CFAP61: variants seen among roughly 807,000 people sequenced by gnomAD.
The protein encoded by CFAP61 is cilia and flagella associated protein 61.
A neutral mutation model predicts 135.6 loss-of-function variants in CFAP61; 107 were observed. The observed-to-expected ratio is 0.79, with a 90% confidence interval of 0.67 to 0.93. The LOEUF (loss-of-function observed/expected upper bound fraction) is 0.93. Ranked by LOEUF, CFAP61 falls within the 40% of genes least tolerant of loss-of-function variation. The probability of loss-of-function intolerance (pLI) is 0.00; values close to 1 mark genes in which losing one functional copy is unlikely to be tolerated. For missense variants in CFAP61, 1,507 were observed against 1,556.2 expected (o/e 0.97, Z 0.53); for synonymous variants, 575 against 578.5 (o/e 0.99, Z 0.09).
At chr20:20,225,889 C>A in intron 17 of CFAP61, 1 of 152,198 alleles carries the variant, frequency 6.6e-6, no homozygotes, top group East Asian at 1.9e-4. Flanking sequence ...CACACTGGCA[C>A]CCAGGTGAAC....
intron 8 of CFAP61, among the ~76,000 whole-genome samples, chr20:20,113,445 A>G (rs1463287197): frequency 6.6e-6 from 1 of 152,222 alleles, no homozygotes; most frequent in East Asian, 1.9e-4. Context: ...AATTACATTT[A>G]ATCTGATATA....
intron 21 of CFAP61, among the ~76,000 whole-genome samples, chr20:20,269,164 C>CACACACAT (rs372986717): frequency 0.082 from 9,133 of 111,314 alleles, 736 homozygotes; most frequent in Middle Eastern, 0.14. Context: ...CACACACACA[C>CACACACAT]ATACATATAT....
chr20:20,169,737 A>T (rs2054088583), intron 13 of CFAP61, among the ~76,000 whole-genome samples: 1 of 151,402 alleles, frequency 6.6e-6, no homozygotes. Context: ...TAACACAAGA[A>T]ACAGATCCAG....
At chr20:20,200,037 C>A in intron 17 of CFAP61, 135 bp downstream of exon 17, 1 of 1,043,238 alleles carries the variant, frequency 9.6e-7, no homozygotes, top group Non-Finnish European at 1.4e-6. Flanking sequence ...CCCTTACAGG[C>A]GGAGCCCCGC....
intron 8 of CFAP61, among the ~76,000 whole-genome samples, chr20:20,141,410 G>T (rs929574298): frequency 1.3e-5 from 2 of 152,178 alleles, no homozygotes; most frequent in Non-Finnish European, 1.5e-5. Flanking sequence ...TCTGCAGGGT[G>T]CAGGACATAT....
At chr20:20,080,075 A>AT (rs930196908) in intron 6 of CFAP61, among the ~76,000 whole-genome samples, 21 of 152,178 alleles carry the variant, frequency 1.4e-4, no homozygotes, top group Middle Eastern at 6.8e-3. Flanking sequence ...AAAATCTCTC[A>AT]TTTTTTATGC....
chr20:20,217,322 A>T (rs2146928967), intron 17 of CFAP61, among the ~76,000 whole-genome samples: 1 of 152,360 alleles, frequency 6.6e-6, no homozygotes, highest in African/African-American at 2.4e-5. Context: ...ATACAATTGG[A>T]TGTCAACAGA....
At chr20:20,201,663 A>G (rs1601371102) in intron 17 of CFAP61, among the ~76,000 whole-genome samples, 1 of 152,338 alleles carries the variant, frequency 6.6e-6, no homozygotes, top group East Asian at 1.9e-4. Flanking sequence ...TGTCTCCACC[A>G]CTGAAACACA....
chr20:20,337,312 G>GGATA (rs1569310377), intron 25 of CFAP61, among the ~76,000 whole-genome samples: 15 of 18,076 alleles, frequency 8.3e-4, no homozygotes, highest in African/African-American at 1.3e-3. Flanking sequence ...ATGGATGGAT[G>GGATA]GATGGATGGA....
chr20:20,089,298 C>G (rs2047014927), intron 6 of CFAP61, among the ~76,000 whole-genome samples: 1 of 152,116 alleles, frequency 6.6e-6, no homozygotes, highest in Non-Finnish European at 1.5e-5. Flanking sequence ...GCTCTCCTCC[C>G]TCTGCAAAGT....
At chr20:20,185,538 G>A (rs1035490942) in intron 13 of CFAP61, among the ~76,000 whole-genome samples, 2 of 152,224 alleles carry the variant, frequency 1.3e-5, no homozygotes, top group African/African-American at 4.8e-5. Context: ...CCACTGGAAG[G>A]ATGGAGTTGC....
intron 25 of CFAP61, among the ~76,000 whole-genome samples, chr20:20,306,293 T>C (rs544876057): frequency 1.1e-4 from 16 of 152,174 alleles, no homozygotes; most frequent in African/African-American, 3.9e-4. Context: ...ACACATGGAG[T>C]TCTGCAAGAA....
intron 19 of CFAP61, among the ~76,000 whole-genome samples, chr20:20,251,322 C>T (rs893188722): frequency 1.3e-4 from 19 of 146,678 alleles, no homozygotes; most frequent in Admixed American, 2.1e-4. Flanking sequence ...CACACACACA[C>T]ATACAGATAA....
chr20:20,317,591 G>A (rs2057211129), intron 25 of CFAP61, among the ~76,000 whole-genome samples: 1 of 152,158 alleles, frequency 6.6e-6, no homozygotes, highest in Non-Finnish European at 1.5e-5. Flanking sequence ...TTGGGGAGAA[G>A]AGGGCACCAA....
chr20:20,360,086 G>C (rs2059418806), intron 26 of CFAP61, 124 bp from the exon 27 acceptor site: 2 of 734,558 alleles, frequency 2.7e-6, no homozygotes, highest in African/African-American at 3.5e-5. Flanking sequence ...ATTTTCAAAA[G>C]CTAGAAAAAA....
At position 20,126,250 on chromosome 20, in the gene CFAP61, T is replaced by C. The variant is rs190137481; in HGVS notation, c.860-16607T>C. On this transcript the variant is annotated intron_variant, in intron 8 of 26. Transcript: ENST00000245957. ...AGGTACCATTACATTCGTAATGTTA[T>C]TTGTTGTCTGTGTTCCTTGTTTTTG... Among the ~76,000 whole-genome samples, 9 of 151,956 alleles carry C rather than the reference T, an allele frequency of 5.9e-5. 1 individual carries two copies. Among genetic ancestry groups the C allele is most frequent in the Admixed American group, 4.6e-4 (7 of 15,286 alleles).
rs1460971288 is a variant in CFAP61, at chr20:20,288,600, A to G, written c.2797-9A>G. The G allele has an allele frequency of 6.2e-7, 1 of 1,603,306 alleles. No homozygotes were observed. Among genetic ancestry groups the G allele is most frequent in the Non-Finnish European group, 8.5e-7 (1 of 1,170,802 alleles). On this transcript the variant is annotated splice_polypyrimidine_tract_variant and intron_variant, in intron 22 of 26. Coordinates refer to ENST00000245957, the MANE Select transcript of CFAP61 (RefSeq NM_015585.4). The stretch of plus-strand genomic sequence containing the variant: ...TAACTGAATATTGCTGTAATTGTTC[A>G]CTTCGTAGATGTTCTTCAGCTTCTG...
At chr20:20,345,614 T>C (rs1007203584) in intron 26 of CFAP61, among the ~76,000 whole-genome samples, 1 of 152,162 alleles carries the variant, frequency 6.6e-6, no homozygotes, top group Non-Finnish European at 1.5e-5. Context: ...TCATCTGTTA[T>C]GAAGATTAGA....
intron 8 of CFAP61, among the ~76,000 whole-genome samples, chr20:20,114,970 G>T (rs553718069): frequency 1.3e-5 from 2 of 152,172 alleles, no homozygotes; most frequent in African/African-American, 4.8e-5. Flanking sequence ...GTTTTTTTCT[G>T]TGTTTCCTGA....
Sources: allele counts gnomAD v4.1 joint callset (sites outside exome capture counted in the v4.1 genomes callset), GRCh38; gene constraint gnomAD v4.1.1; transcripts MANE v1.5; gene names NCBI Gene and HGNC (gene_info 2026-07-23, HGNC 2026-07-21).